Variants in CMTM8 observed in about 807,000 individuals in gnomAD.
CMTM8 encodes the protein CKLF like MARVEL transmembrane domain containing 8, also known as CKLF-like MARVEL transmembrane domain-containing protein 8.
CMTM8 carries 12 observed loss-of-function variants against 18.6 expected under a neutral mutation model. That is an observed-to-expected ratio of 0.65 (90% CI 0.41 to 1.05). The LOEUF (loss-of-function observed/expected upper bound fraction) is 1.05, where lower values mean the gene tolerates loss of function less well. Among genes scored for constraint, CMTM8 ranks in the 50% least tolerant of loss-of-function variants. The pLI is 0.00. For synonymous variants in CMTM8, 87 were observed against 90.6 expected, an observed-to-expected ratio of 0.96 and a Z score of 0.23; for missense variants, 217 against 227.2, an observed-to-expected ratio of 0.95 and a Z score of 0.29.
intron 1 of CMTM8, among the ~76,000 whole-genome samples, chr3:32,357,130 G>A (rs1277888073): frequency 6.6e-6 from 1 of 152,148 alleles, no homozygotes; most frequent in East Asian, 1.9e-4. Context: ...TGTAATCCTA[G>A]CTACTTGGGA....
In CMTM8 at chr3:32,361,337, TACA is replaced by T. The variant is rs370727703; in HGVS notation, c.321+3796_321+3798del. 3.7e-5 allele frequency among the ~76,000 whole-genome samples: 5 copies of T among 134,756 alleles called. No homozygotes were observed. In the Admixed American group the frequency reaches 4.0e-4, roughly 11 times the overall value. 88.4% of individuals were successfully genotyped at this position (134,756 alleles called of 152,430 possible). A position where few individuals can be genotyped will look rare whatever the true frequency, so the allele number is the denominator to read the frequency against. ...AGGTAATAAGGTAATTTGGTGCATT[TACA>T]ACAATATGTGACATGTACCCCTGAG... On this transcript the variant is annotated intron_variant, in intron 2 of 3. Transcript: ENST00000307526.
At chr3:32,348,432 C>T (rs982067016) in intron 1 of CMTM8, among the ~76,000 whole-genome samples, 24 of 151,444 alleles carry the variant, frequency 1.6e-4, no homozygotes, top group Admixed American at 1.5e-3. Flanking sequence ...TAGAAATTCA[C>T]ATCCAGAAAT....
At position 32,239,092 on chromosome 3, in the gene CMTM8, G is replaced by T. The variant is rs1428746612; in HGVS notation, c.120G>T (p.Leu40=). The change falls in exon 1 of 4, where the codon CTG becomes CTT. Residue 40 remains leucine, a synonymous_variant. Transcript: ENST00000307526. ...FAYDREFLRT[L]PGFLIVAEIV... Reference sequence around the variant, plus strand: ...ACGACCGGGAGTTCCTCCGCACCCTGCCCGGCTTCCTCATCGTGGCCGAGA... The same window carrying T: ...ACGACCGGGAGTTCCTCCGCACCCTTCCCGGCTTCCTCATCGTGGCCGAGA... The T allele has an allele frequency of 2.5e-6, 4 of 1,601,266 alleles. No homozygotes were observed. Among genetic ancestry groups the T allele is most frequent in the Non-Finnish European group, 3.4e-6 (4 of 1,174,582 alleles).
intron 2 of CMTM8, among the ~76,000 whole-genome samples, chr3:32,365,301 G>GAC (rs1295867512): frequency 7.6e-6 from 1 of 131,640 alleles, no homozygotes. Context: ...GCCGGTATTT[G>GAC]AGAAAAAAAA....
At chr3:32,260,234 A>C (rs1448845556) in intron 1 of CMTM8, 1 of 1,385,744 alleles carries the variant, frequency 7.2e-7, no homozygotes, top group Non-Finnish European at 1.0e-6. Context: ...ACATTAAGCC[A>C]GCAGAAGCAG....
intron 1 of CMTM8, among the ~76,000 whole-genome samples, chr3:32,332,174 T>C (rs1696290698): frequency 1.3e-5 from 2 of 152,176 alleles, no homozygotes; most frequent in South Asian, 2.1e-4. Context: ...AGAAGCATAG[T>C]ACAATTAGAA....
At chr3:32,368,094 G>A in intron 3 of CMTM8, 106 bp downstream of exon 3, 1 of 783,462 alleles carries the variant, frequency 1.3e-6, no homozygotes, top group South Asian at 1.6e-5. Flanking sequence ...GCTTGCAGTA[G>A]TGACAAATTA....
intron 1 of CMTM8, among the ~76,000 whole-genome samples, chr3:32,331,894 G>A (rs116705298): frequency 0.014 from 2,072 of 152,256 alleles, 29 homozygotes; most frequent in Non-Finnish European, 0.019. Flanking sequence ...GTGCAAGGGG[G>A]AGTTCCTATT....
At chr3:32,366,501 T>C (rs1247168639) in intron 2 of CMTM8, among the ~76,000 whole-genome samples, 1 of 152,214 alleles carries the variant, frequency 6.6e-6, no homozygotes, top group African/African-American at 2.4e-5. Context: ...TCTTTCCTTG[T>C]ATAAAGAACT....
chr3:32,275,145 C>T (rs1251427855), intron 1 of CMTM8, among the ~76,000 whole-genome samples: 1 of 152,008 alleles, frequency 6.6e-6, no homozygotes, highest in Non-Finnish European at 1.5e-5. Context: ...GCTGGGACTA[C>T]AGGTGTGCAC....
intron 1 of CMTM8, among the ~76,000 whole-genome samples, chr3:32,275,234 C>T (rs1273862950): frequency 1.3e-5 from 2 of 151,412 alleles, no homozygotes; most frequent in African/African-American, 2.4e-5. Flanking sequence ...AGGCTGGTCT[C>T]GAACTCCTGA....
intron 1 of CMTM8, among the ~76,000 whole-genome samples, chr3:32,356,362 A>AAGTCCAC (rs1696813482): frequency 6.6e-6 from 1 of 152,152 alleles, no homozygotes; most frequent in African/African-American, 2.4e-5. Context: ...CTTAGGAATA[A>AAGTCCAC]AGTCCACCTG....
chr3:32,257,742 G>A (rs945344714), intron 1 of CMTM8, among the ~76,000 whole-genome samples: 43 of 151,956 alleles, frequency 2.8e-4, no homozygotes, highest in African/African-American at 1.0e-3. Context: ...CTTCTCCTGT[G>A]CTGTTTTCTT....
chr3:32,328,829 A>C (rs2125582408), intron 1 of CMTM8, among the ~76,000 whole-genome samples: 1 of 152,298 alleles, frequency 6.6e-6, no homozygotes, highest in African/African-American at 2.4e-5. Flanking sequence ...AAAAGATGGA[A>C]TCAGTAACCA....
chr3:32,346,703 C>T (rs1230445099), intron 1 of CMTM8, among the ~76,000 whole-genome samples: 2 of 152,174 alleles, frequency 1.3e-5, no homozygotes, highest in African/African-American at 2.4e-5. Context: ...GCCCTACGTC[C>T]TGATACCATC....
chr3:32,239,477 G>C (rs2125524462), intron 1 of CMTM8, among the ~76,000 whole-genome samples: 1 of 152,164 alleles, frequency 6.6e-6, no homozygotes, highest in Non-Finnish European at 1.5e-5. Context: ...ATCTCCACGT[G>C]GATGGCCTCC....
chr3:32,362,198 G>A (rs896817297), intron 2 of CMTM8, among the ~76,000 whole-genome samples: 2 of 151,576 alleles, frequency 1.3e-5, no homozygotes, highest in Non-Finnish European at 2.9e-5. Flanking sequence ...TCACCACCAC[G>A]CCCAGCTAAT....
At chr3:32,242,416 G>T (rs969547854) in intron 1 of CMTM8, among the ~76,000 whole-genome samples, 35 of 151,926 alleles carry the variant, frequency 2.3e-4, no homozygotes, top group African/African-American at 8.0e-4. Context: ...ACCCCTCCTG[G>T]GCTCAAGTGA....
intron 1 of CMTM8, among the ~76,000 whole-genome samples, chr3:32,270,805 C>T (rs1284943578): frequency 1.3e-5 from 2 of 152,040 alleles, no homozygotes; most frequent in African/African-American, 4.8e-5. Context: ...ACCAACATGG[C>T]ACATGTATAC....
Sources: allele counts gnomAD v4.1 joint callset (sites outside exome capture counted in the v4.1 genomes callset), GRCh38; gene constraint gnomAD v4.1.1; transcripts MANE v1.5; gene names NCBI Gene and HGNC (gene_info 2026-07-23, HGNC 2026-07-21).